LBHD1: variants seen among roughly 807,000 people sequenced by gnomAD.
The protein encoded by LBHD1 is LBH domain-containing protein 1.
In LBHD1, 28 loss-of-function variants were observed where a neutral mutation model predicts 31.1. The ratio of observed to expected loss-of-function variants is 0.90; its 90% CI spans 0.67 to 1.24. The LOEUF (loss-of-function observed/expected upper bound fraction) is 1.24. LBHD1 is among the 50% of genes most tolerant of loss of function. The pLI is 0.00. For missense variants in LBHD1, 350 were observed against 323.0 expected (o/e 1.08, Z -0.64); for synonymous variants, 105 against 116.5 (o/e 0.90, Z 0.63).
chr11:62,663,123 G>A lies in LBHD1; in HGVS notation c.*6C>T, dbSNP rs1944697325. On this transcript the variant is annotated 3_prime_UTR_variant, in exon 7 of 7. Transcript: ENST00000354588. The stretch of plus-strand genomic sequence containing the variant: ...TGTCTTCTTTTGCCTTTTGAGCTGT[G>A]GTTCACTAGTCCTGGCTGGCTTTGA... 1 of 1,613,926 alleles carries A rather than the reference G, an allele frequency of 6.2e-7. No homozygotes were observed. The highest frequency in any genetic ancestry group is 1.1e-5 in the South Asian group (1 of 91,090).
At chr11:62,667,941 G>T in intron 3 of LBHD1, 194 bp from the exon 4 acceptor site, 1 of 548,784 alleles carries the variant, frequency 1.8e-6, no homozygotes, top group East Asian at 2.9e-5. Flanking sequence ...AGTGGCACAG[G>T]CATGTAGTTC....
chr11:62,665,338 T>A lies in LBHD1; in HGVS notation c.539-365A>T, dbSNP rs912279227. 5 of 763,256 alleles carry A rather than the reference T, an allele frequency of 6.6e-6. No homozygotes were observed. The East Asian group carries it at 1.3e-4, about 20-fold the overall frequency. 47.3% of individuals were successfully genotyped at this position (763,256 alleles called of 1,614,324 possible). On this transcript the variant is annotated intron_variant, in intron 4 of 6. Coordinates refer to ENST00000354588, the MANE Select transcript of LBHD1 (RefSeq NM_024099.5). ...TTTCGGAGGGTGGTGAGCTAGTAAG[T>A]GTGGTTTTAGCTGTAGTAGCCAGAT...
At chr11:62,670,733 A>C (rs1322579962) in intron 1 of LBHD1, 1 of 141,574 alleles carries the variant, frequency 7.1e-6, no homozygotes, top group African/African-American at 2.5e-5. Flanking sequence ...TACATAGTGA[A>C]ACTCTTTCTC....
chr11:62,666,560 C>T (rs761289453), intron 4 of LBHD1: 44 of 1,614,032 alleles, frequency 2.7e-5, no homozygotes, highest in Non-Finnish European at 3.6e-5. Context: ...CAGTCCTCTG[C>T]GAGTGCTGGA....
At chr11:62,665,484 G>A (rs1332565141) in intron 4 of LBHD1, 1 of 1,576,992 alleles carries the variant, frequency 6.3e-7, no homozygotes, top group Non-Finnish European at 8.6e-7. Flanking sequence ...GGAGGAAGAG[G>A]GAAAGGGCTC....
rs140648337 is a variant in LBHD1 at position 62,667,773 on chromosome 11, A to C, written c.314-26T>G. ...CTGGGATGGAGGAAGAGAGGGGACA[A>C]AAATATTACTGATATATTATCAAAT... is the stretch of plus-strand genomic sequence containing the variant. On this transcript the variant is annotated intron_variant, in intron 3 of 6. Coordinates refer to ENST00000354588, the MANE Select transcript of LBHD1 (RefSeq NM_024099.5). 198 of 1,433,484 alleles carry C rather than the reference A, an allele frequency of 1.4e-4. No individual in the cohort carries two copies. In the African/African-American group the frequency reaches 2.5e-3, roughly 18 times the overall value. The allele number at this position is 1,433,484 out of a possible 1,614,324, so 88.8% of individuals were successfully genotyped here. A position where few individuals can be genotyped will look rare whatever the true frequency, so the allele number is the denominator to read the frequency against.
intron 3 of LBHD1, chr11:62,669,271 C>A (rs1315490373): frequency 2.1e-6 from 1 of 470,748 alleles, no homozygotes; most frequent in Admixed American, 6.4e-5. Flanking sequence ...GATAAAATTA[C>A]CCCAAGACTG....
At chr11:62,663,380 C>A (rs746820007) in intron 5 of LBHD1, 47 bp from the exon 6 acceptor site, 1 of 1,571,974 alleles carries the variant, frequency 6.4e-7, no homozygotes, top group Admixed American at 1.7e-5. Flanking sequence ...CCTGAACCAA[C>A]TGAGGTCACA....
rs749826228 is a variant in LBHD1 at position 62,665,498 on chromosome 11, C to T, written c.539-525G>A. 8 of 1,572,682 alleles carry T rather than the reference C, an allele frequency of 5.1e-6. No individual in the cohort carries two copies. In the South Asian group the frequency reaches 5.6e-5, roughly 11 times the overall value. ...CGGAGGAAGAGGGAAAGGGCTCTGG[C>T]CCCCTCGGCGTCATGTCTTCGGTGC... On this transcript the variant is annotated intron_variant, in intron 4 of 6. Coordinates refer to ENST00000354588, the MANE Select transcript of LBHD1 (RefSeq NM_024099.5).
chr11:62,666,263 T>G (rs1194818145), intron 4 of LBHD1: 11 of 913,858 alleles, frequency 1.2e-5, no homozygotes, highest in Non-Finnish European at 1.9e-5. Flanking sequence ...TGAGCCATCA[T>G]TGTGCTACTG....
intron 4 of LBHD1, 153 bp downstream of exon 4, chr11:62,667,370 A>C: frequency 1.3e-6 from 1 of 773,216 alleles, no homozygotes; most frequent in Non-Finnish European, 2.1e-6. Context: ...CAGGAACTGA[A>C]TCAAAACCCC....
chr11:62,671,491 TGAG>T (rs1465285615), intron 1 of LBHD1, 70 bp downstream of exon 1: 1 of 1,369,682 alleles, frequency 7.3e-7, no homozygotes, highest in Non-Finnish European at 9.5e-7. Context: ...ACCCCGGAAT[TGAG>T]GACACAGGGT....
intron 4 of LBHD1, chr11:62,665,209 T>C (rs1045429389): frequency 1.3e-6 from 1 of 793,902 alleles, no homozygotes; most frequent in Admixed American, 2.0e-5. Flanking sequence ...GTACTTCCGC[T>C]CAGCGCCGGA....
At chr11:62,670,265 G>T in intron 1 of LBHD1, 1 of 524,724 alleles carries the variant, frequency 1.9e-6, no homozygotes, top group Admixed American at 3.7e-5. Context: ...GGAGACAAGG[G>T]CACCTGGATT....
chr11:62,666,321 A>G (rs79581959), intron 4 of LBHD1: 2 of 1,453,872 alleles, frequency 1.4e-6, no homozygotes, highest in Non-Finnish European at 1.9e-6. Flanking sequence ...AAAAAAAAAA[A>G]GACGCCAGTG....
chr11:62,668,480 CAA>C (rs974530699), intron 3 of LBHD1: 5 of 59,170 alleles, frequency 8.5e-5, no homozygotes, highest in Non-Finnish European at 1.2e-4. Context: ...GACTCTGTCT[CAA>C]AAAAAAAAAA....
At position 62,667,693 on chromosome 11, in the gene LBHD1, C is replaced by T. The variant is rs753932635; in HGVS notation, c.368G>A (p.Gly123Glu). The change falls in exon 4 of 7, where the codon GGA (glycine) becomes GAA (glutamate). Residue 123 changes from glycine to glutamate, a missense_variant. Coordinates refer to ENST00000354588, the MANE Select transcript of LBHD1 (RefSeq NM_024099.5). ...ATCCTGGTCCTGCCCCCAGCTGAGT[C>T]CAGCGTTAAATGTTCTTAAAGGACT... ...PRSPLRTFNA[G>E]LSWGQDQDEE... 2 of 1,614,024 alleles carry T rather than the reference C, an allele frequency of 1.2e-6. No homozygotes were observed. Among genetic ancestry groups the T allele is most frequent in the African/African-American group, 2.7e-5 (2 of 74,904 alleles).
intron 4 of LBHD1, chr11:62,666,081 C>A: frequency 9.4e-7 from 1 of 1,060,110 alleles, no homozygotes; most frequent in Non-Finnish European, 1.4e-6. Flanking sequence ...TGCGTGGTGG[C>A]TCACGGCTGT....
In LBHD1 at chr11:62,671,928, T is replaced by C; in HGVS notation, c.-375A>G. ...GTGGAGAGCCCCGGACTGGAGCTCCTGCGAACTCCCCTTCCTGCCCTCAGG... is the reference window on the plus strand; with the variant it reads ...GTGGAGAGCCCCGGACTGGAGCTCCCGCGAACTCCCCTTCCTGCCCTCAGG... On this transcript the variant is annotated 5_prime_UTR_variant, in exon 1 of 7. Transcript: ENST00000354588. 1 of 1,613,184 alleles carries C rather than the reference T, an allele frequency of 6.2e-7. No individual in the cohort carries two copies. The highest frequency in any genetic ancestry group is 2.2e-5 in the East Asian group (1 of 44,860).
Sources: gnomAD v4.1 joint callset for allele counts on GRCh38, gnomAD v4.1.1 for gene constraint, MANE v1.5 for transcripts, NCBI Gene and HGNC (gene_info 2026-07-23, HGNC 2026-07-21) for gene names.